KDM4B: variants seen among roughly 807,000 people sequenced by gnomAD.
KDM4B encodes lysine demethylase 4B, also known as lysine-specific demethylase 4B.
Under a neutral mutation model 125.2 loss-of-function variants are expected in KDM4B, and 32 were observed. That is an observed-to-expected ratio of 0.26 (90% confidence interval 0.19 to 0.34). The LOEUF (loss-of-function observed/expected upper bound fraction) is 0.34, where lower values mean the gene tolerates loss of function less well. Ranked by LOEUF, KDM4B falls within the 10% of genes least tolerant of loss-of-function variation. The pLI is 1.00. For synonymous variants in KDM4B, 721 were observed against 677.9 expected (o/e 1.06, Z -0.99); for missense variants, 1,190 against 1,577.7 (o/e 0.75, Z 4.16).
chr19:5,151,374 G>A lies in KDM4B; in HGVS notation c.3154G>A (p.Gly1052Arg). ...TGAPQEPAFS[G>R]EEAKAAKRPR... is the part of the protein sequence containing the mutation. ...GGCACCGCAGGAGCCCGCCTTCTCG[G>A]GGGAGGAGGCCAAGGCCGCCAAGCG... The change falls in exon 23 of 23, where the codon GGG (glycine) becomes AGG (arginine). Residue 1052 changes from glycine (G) to arginine (R), a missense_variant. Transcript: ENST00000159111. 6.3e-7 allele frequency: 1 copy of A among 1,588,484 alleles called. No individual in the cohort carries two copies. The highest frequency in any genetic ancestry group is 8.6e-7 in the Non-Finnish European group (1 of 1,169,328).
rs547070199 is a variant in KDM4B at position 5,153,500 on chromosome 19, G to C, written c.*1989G>C. ...AAGACGCGGCAAAACCCAGTGCCCTGGTTTTTCCCCACCCGAGATGAAGGA... is the reference window on the plus strand; with the variant it reads ...AAGACGCGGCAAAACCCAGTGCCCTCGTTTTTCCCCACCCGAGATGAAGGA... On this transcript the variant is annotated 3_prime_UTR_variant, in exon 23 of 23. Transcript: ENST00000159111. 1 of 152,342 alleles carries C rather than the reference G, an allele frequency of 6.6e-6. No homozygotes were observed. The highest frequency in any genetic ancestry group is 2.1e-4 in the South Asian group (1 of 4,830). 9.4% of individuals were successfully genotyped at this position (152,342 alleles called of 1,614,324 possible). A position where few individuals can be genotyped will look rare whatever the true frequency, so the allele number is the denominator to read the frequency against.
Position 5,039,924 on chromosome 19 carries a change from C to T in KDM4B, c.230C>T (p.Thr77Met), listed in dbSNP as rs747877649. The T allele has an allele frequency of 3.1e-6, 5 of 1,612,980 alleles. No individual in the cohort carries two copies. The highest frequency in any genetic ancestry group is 3.4e-6 in the Non-Finnish European group (4 of 1,179,902). Residue 77 changes from threonine to methionine, a missense_variant, in exon 4 of 23, where the codon ACG becomes ATG. Thr to Met is a moderately conservative substitution (Grantham distance 81). Transcript: ENST00000159111. ...CCGGCGCCCATCCAGCAGGTGGTGACGGGCCAGTCGGGCCTCTTCACGCAG... is the reference window on the plus strand; with the variant it reads ...CCGGCGCCCATCCAGCAGGTGGTGATGGGCCAGTCGGGCCTCTTCACGCAG... The part of the protein sequence containing the change: ...VIPAPIQQVV[T>M]GQSGLFTQYN...
At chr19:5,135,042 G>T (rs1352121311) in intron 14 of KDM4B, among the ~76,000 whole-genome samples, 1 of 152,132 alleles carries the variant, frequency 6.6e-6, no homozygotes, top group Non-Finnish European at 1.5e-5. Context: ...ATACCCCAGC[G>T]CCAGGGGCCA....
In KDM4B at chr19:5,041,211, C is replaced by T. The variant is rs1257458831; in HGVS notation, c.392C>T (p.Pro131Leu). The T allele has an allele frequency of 6.2e-7, 1 of 1,613,068 alleles. No individual in the cohort carries two copies. The highest frequency in any genetic ancestry group is 8.5e-7 in the Non-Finnish European group (1 of 1,179,350). ...TGGAAGAACCTCACCTTTGTCTCCC[C>T]GATCTACGGGGCTGACATCAGCGGC... ...KYWKNLTFVS[P>L]IYGADISGSL... is the part of the protein sequence containing the mutation. Residue 131 changes from proline (P) to leucine (L), a missense_variant, in exon 5 of 23, where the codon CCG (proline) becomes CTG (leucine). Pro to Leu is a moderately conservative substitution (Grantham distance 98). Around this residue, in one of 7 missense-constraint regions of KDM4B, gnomAD observed 139 missense variants for 248.3 expected, o/e 0.56. Coordinates refer to ENST00000159111, the MANE Select transcript of KDM4B (RefSeq NM_015015.3).
At chr19:4,978,506 CAAAAAAAAAAAA>C (rs58304162) in intron 1 of KDM4B, among the ~76,000 whole-genome samples, 9 of 36,394 alleles carry the variant, frequency 2.5e-4, no homozygotes, top group African/African-American at 8.3e-4. Flanking sequence ...GACTCTGTCT[CAAAAAAAAAAAA>C]AAAAAAAAAA....
intron 9 of KDM4B, among the ~76,000 whole-genome samples, chr19:5,083,552 CCTGG>C (rs1187959623): frequency 6.6e-6 from 1 of 152,206 alleles, no homozygotes; most frequent in Non-Finnish European, 1.5e-5. Flanking sequence ...GCGTGCTTTT[CCTGG>C]CTGCCCCCAA....
chr19:5,143,790 G>T (rs1668296454), intron 18 of KDM4B, among the ~76,000 whole-genome samples, 177 bp from the exon 19 acceptor site: 2 of 152,198 alleles, frequency 1.3e-5, no homozygotes, highest in African/African-American at 4.8e-5. Context: ...GGTCTGGAGG[G>T]CTTGGCCAGG....
rs1221680924 is a variant in KDM4B at position 5,081,941 on chromosome 19, A to G, written c.781-426A>G. 6.6e-6 allele frequency among the ~76,000 whole-genome samples: 1 copy of G among 152,190 alleles called. No homozygotes were observed. The highest frequency in any genetic ancestry group is 2.4e-5 in the African/African-American group (1 of 41,448). ...CCCCAGCTGCTTCAGGACATGTCAC[A>G]GTGACTGTGAGTGTGACTCAGCCAC... On this transcript the variant is annotated intron_variant, in intron 8 of 22. Coordinates refer to ENST00000159111, the MANE Select transcript of KDM4B (RefSeq NM_015015.3). The surrounding 1 kb of genome is among the most constrained non-coding windows in gnomAD (Gnocchi z 4.2).
At chr19:5,070,264 T>G (rs1204130421) in intron 6 of KDM4B, among the ~76,000 whole-genome samples, 1 of 152,112 alleles carries the variant, frequency 6.6e-6, no homozygotes, top group Non-Finnish European at 1.5e-5. Context: ...GCACTGGGGC[T>G]TCTCGCTCCC....
chr19:5,137,900 C>G (rs2039677653), intron 17 of KDM4B, 62 bp from the exon 18 acceptor site: 2 of 1,408,314 alleles, frequency 1.4e-6, no homozygotes, highest in Non-Finnish European at 9.8e-7. Flanking sequence ...CACGCCCAGC[C>G]CCTCTGTGAC....
chr19:5,122,608 T>C (rs1219798124), intron 11 of KDM4B, among the ~76,000 whole-genome samples: 1 of 152,214 alleles, frequency 6.6e-6, no homozygotes, highest in Non-Finnish European at 1.5e-5. Flanking sequence ...TCAAATCCAC[T>C]GCTGTTTATC....
Position 5,082,809 on chromosome 19 carries a change from G to A in KDM4B, c.918+305G>A, listed in dbSNP as rs912123488. Among the ~76,000 whole-genome samples the A allele has an allele frequency of 1.2e-4, 18 of 152,192 alleles. No individual in the cohort carries two copies. The highest frequency in any genetic ancestry group is 3.9e-4 in the African/African-American group (16 of 41,448). ...GCCTCCTGGGCATGGCCGGCTGCTC[G>A]GGTCTAGGGGTTGGGGTGTTTCCTC... On this transcript the variant is annotated intron_variant, in intron 9 of 22. Transcript: ENST00000159111. The surrounding 1 kb of genome is among the most constrained non-coding windows in gnomAD (Gnocchi z 5.4).
At chr19:5,064,685 C>T (rs971209341) in intron 6 of KDM4B, among the ~76,000 whole-genome samples, 1 of 152,324 alleles carries the variant, frequency 6.6e-6, no homozygotes. Context: ...CAGGCAGGGG[C>T]CACTGCCAGA....
chr19:4,989,965 T>C (rs2034980212), intron 1 of KDM4B, among the ~76,000 whole-genome samples: 1 of 152,204 alleles, frequency 6.6e-6, no homozygotes, highest in African/African-American at 2.4e-5. Flanking sequence ...GTCTTCCTTT[T>C]CATGTCATCC....
chr19:5,145,050 G>A (rs1044532873), intron 21 of KDM4B, 148 bp downstream of exon 21: 20 of 1,014,092 alleles, frequency 2.0e-5, no homozygotes, highest in African/African-American at 8.4e-5. Flanking sequence ...GCAGGACCCA[G>A]CTGAGCCTTG....
chr19:4,984,167 C>G (rs2034747042), intron 1 of KDM4B, among the ~76,000 whole-genome samples: 1 of 152,178 alleles, frequency 6.6e-6, no homozygotes, highest in South Asian at 2.1e-4. Context: ...GGCTCCAGGC[C>G]AGCATCCACC....
intron 1 of KDM4B, among the ~76,000 whole-genome samples, chr19:5,010,267 C>T (rs2035686482): frequency 6.6e-6 from 1 of 152,188 alleles, no homozygotes; most frequent in Non-Finnish European, 1.5e-5. Flanking sequence ...TTAGCCTGGG[C>T]TCTGGACTTT....
At chr19:5,126,953 T>C (rs2039460443) in intron 11 of KDM4B, among the ~76,000 whole-genome samples, 1 of 152,328 alleles carries the variant, frequency 6.6e-6, no homozygotes, top group East Asian at 1.9e-4. Context: ...GGGTGGTTTC[T>C]TGCCCCCTCC....
chr19:4,983,048 C>T (rs2034700076), intron 1 of KDM4B, among the ~76,000 whole-genome samples: 1 of 151,990 alleles, frequency 6.6e-6, no homozygotes. Context: ...TTGTATTGAA[C>T]CCAGTATACC....
Sources: allele counts gnomAD v4.1 joint callset (sites outside exome capture counted in the v4.1 genomes callset), GRCh38; gene constraint gnomAD v4.1.1; regional missense constraint gnomAD v4.1.1; non-coding constraint Gnocchi (gnomAD v3.1); transcripts MANE v1.5; gene names NCBI Gene and HGNC (gene_info 2026-07-23, HGNC 2026-07-21).